The following WDR27 variants were observed in gnomAD, a reference collection of about 807,000 sequenced individuals.
WDR27 encodes WD repeat-containing protein 27.
Under a neutral mutation model 114.4 loss-of-function variants are expected in WDR27, and 100 were observed. That is an observed-to-expected ratio of 0.87 (90% confidence interval 0.74 to 1.03). The LOEUF (loss-of-function observed/expected upper bound fraction) is 1.03, where lower values mean the gene tolerates loss of function less well. Among genes scored for constraint, WDR27 ranks in the 50% least tolerant of loss-of-function variants. WDR27 has a pLI of 0.00. For synonymous variants in WDR27, 449 were observed against 423.1 expected, an observed-to-expected ratio of 1.06 and a Z score of -0.75; for missense variants, 1,129 against 1,092.9, an observed-to-expected ratio of 1.03 and a Z score of -0.47.
intron 1 of WDR27, among the ~76,000 whole-genome samples, chr6:169,692,797 G>A (rs536483975): frequency 1.3e-5 from 2 of 152,232 alleles, no homozygotes; most frequent in East Asian, 3.9e-4. Context: ...GGGAGACTCT[G>A]AGCCCAGATC....
At chr6:169,610,968 C>A (rs943597972) in intron 22 of WDR27, among the ~76,000 whole-genome samples, 4 of 152,050 alleles carry the variant, frequency 2.6e-5, no homozygotes, top group African/African-American at 9.7e-5. Context: ...GTGGCAGGTG[C>A]ACTAAAACCT....
chr6:169,641,933 G>A (rs777661819), intron 17 of WDR27, among the ~76,000 whole-genome samples: 2 of 152,226 alleles, frequency 1.3e-5, no homozygotes, highest in African/African-American at 4.8e-5. Context: ...CATGCTCGGC[G>A]GAAGGCCTGG....
chr6:169,643,623 T>C, intron 17 of WDR27, 74 bp downstream of exon 17: 1 of 1,288,746 alleles, frequency 7.8e-7, no homozygotes, highest in South Asian at 1.3e-5. Context: ...AAGTGTCCTT[T>C]AGCAACTGAT....
chr6:169,518,115 C>T (rs555548774), intron 25 of WDR27, among the ~76,000 whole-genome samples: 125 of 152,330 alleles, frequency 8.2e-4, no homozygotes, highest in African/African-American at 2.9e-3. Flanking sequence ...AGGCTTCAGA[C>T]CCAATGGCTG....
chr6:169,674,125 ATCAAATCAGCTATACTT>A (rs1250287464), intron 2 of WDR27, among the ~76,000 whole-genome samples: 1 of 152,240 alleles, frequency 6.6e-6, no homozygotes, highest in African/African-American at 2.4e-5. Flanking sequence ...AATCCAGAGT[ATCAAATCAGCTATACTT>A]TTTTTTCATA....
chr6:169,434,800 G>C, the WDR27 span, among the ~76,000 whole-genome samples: 1 of 152,108 alleles, frequency 6.6e-6, no homozygotes, highest in Non-Finnish European at 1.5e-5. Flanking sequence ...TGATGCAATA[G>C]GAAAAAAAGA....
intron 25 of WDR27, among the ~76,000 whole-genome samples, chr6:169,472,631 T>C (rs1440972202): frequency 1.3e-5 from 2 of 152,108 alleles, no homozygotes; most frequent in African/African-American, 4.8e-5. Flanking sequence ...TAGATATAGA[T>C]AAGAAAGAAA....
At chr6:169,582,531 C>T (rs1262145076) in intron 24 of WDR27, among the ~76,000 whole-genome samples, 2 of 152,008 alleles carry the variant, frequency 1.3e-5, no homozygotes, top group East Asian at 1.9e-4. Context: ...TACATGTAAC[C>T]GTATTTGTCC....
intron 25 of WDR27, among the ~76,000 whole-genome samples, chr6:169,567,222 G>A (rs565835771): frequency 1.6e-4 from 24 of 152,308 alleles, no homozygotes; most frequent in Admixed American, 1.2e-3. Context: ...GGTCAGTCAC[G>A]CACACTTTGG....
In WDR27 at chr6:169,630,300, C is replaced by A. The variant is rs374070052; in HGVS notation, c.2223+2647G>T. On this transcript the variant is annotated intron_variant, in intron 21 of 25. Transcript: ENST00000448612. ...ACCATTTTTTTCTCTAGATTTACAT[C>A]TACTTTCTTATACAAAGAATCGAAT... Among the ~76,000 whole-genome samples, 15 of 152,196 alleles carry A rather than the reference C, an allele frequency of 9.9e-5. No individual in the cohort carries two copies. The East Asian group carries it at 1.2e-3, about 12-fold the overall frequency.
chr6:169,646,948 G>A (rs1217612137), intron 16 of WDR27, among the ~76,000 whole-genome samples: 2 of 152,116 alleles, frequency 1.3e-5, no homozygotes, highest in Non-Finnish European at 2.9e-5. Flanking sequence ...GGAATTTAGC[G>A]GAGTGGTACA....
chr6:169,544,689 C>G (rs1797239702), intron 25 of WDR27, among the ~76,000 whole-genome samples: 1 of 152,192 alleles, frequency 6.6e-6, no homozygotes. Flanking sequence ...CCTGCTTTGG[C>G]CTCCCAAAGT....
chr6:169,685,746 T>C (rs1782757358), intron 2 of WDR27, among the ~76,000 whole-genome samples: 1 of 152,208 alleles, frequency 6.6e-6, no homozygotes. Context: ...ATATGGGCAT[T>C]CTAGCAGAAG....
chr6:169,465,887 T>G (rs990210283), intron 25 of WDR27, among the ~76,000 whole-genome samples: 1 of 152,218 alleles, frequency 6.6e-6, no homozygotes, highest in Non-Finnish European at 1.5e-5. Context: ...GGGGAATTAT[T>G]ACTTAATGGG....
At chr6:169,430,117 C>T in the WDR27 span, among the ~76,000 whole-genome samples, 62 of 152,270 alleles carry the variant, frequency 4.1e-4, no homozygotes, top group African/African-American at 1.4e-3. Context: ...AGAAGTTGGC[C>T]CTAAGAGTGG....
chr6:169,612,440 C>G (rs1027207499), intron 22 of WDR27, among the ~76,000 whole-genome samples: 4 of 139,762 alleles, frequency 2.9e-5, no homozygotes, highest in Admixed American at 2.8e-4. Flanking sequence ...AACAAACAAA[C>G]GAACAAACAA....
chr6:169,447,559 G>A, the WDR27 span, among the ~76,000 whole-genome samples: 8 of 152,200 alleles, frequency 5.3e-5, no homozygotes, highest in East Asian at 1.4e-3. Flanking sequence ...TTTTACATAA[G>A]GAGACTCTGT....
Position 169,651,984 on chromosome 6 carries a change from T to C in WDR27, c.1427A>G (p.Gln476Arg), listed in dbSNP as rs376495111. The change falls in exon 14 of 26, where the codon CAA becomes CGA. Residue 476 changes from glutamine (Q) to arginine (R), a missense_variant. By Grantham distance (43) the Gln-to-Arg change is conservative (BLOSUM62 1). Coordinates refer to ENST00000448612, the MANE Select transcript of WDR27 (RefSeq NM_182552.5). Reference sequence around the variant, plus strand: ...AACTTTACTATGGAAAACCAGGCGTTGGTCCTTCATGACGTTCCGTGCAGC... The same window carrying C: ...AACTTTACTATGGAAAACCAGGCGTCGGTCCTTCATGACGTTCCGTGCAGC... ...RRAARNVMKDQRLVFHSKVRS... is the reference protein window; with the variant it reads ...RRAARNVMKDRRLVFHSKVRS... The C allele has an allele frequency of 2.2e-5, 36 of 1,613,798 alleles. No individual in the cohort carries two copies. In the African/African-American group the frequency reaches 4.5e-4, roughly 20 times the overall value.
chr6:169,457,520 C>A lies in WDR27; in HGVS notation c.*72G>T. On this transcript the variant is annotated 3_prime_UTR_variant, in exon 26 of 26. Transcript: ENST00000448612. ...TGCTTCTGGCCCCCTGATGGATGAA[C>A]CACTACTTCTTACTTTTAAGTTGTT... The A allele has an allele frequency of 7.4e-7, 1 of 1,355,330 alleles. No homozygotes were observed. The highest frequency in any genetic ancestry group is 2.6e-5 in the East Asian group (1 of 38,586). 84.0% of individuals were successfully genotyped at this position (1,355,330 alleles called of 1,614,324 possible). A position where few individuals can be genotyped will look rare whatever the true frequency, so the allele number is the denominator to read the frequency against.
Sources: gnomAD v4.1 joint callset for allele counts (sites outside exome capture counted in the v4.1 genomes callset) on GRCh38, gnomAD v4.1.1 for gene constraint, MANE v1.5 for transcripts, NCBI Gene and HGNC (gene_info 2026-07-23, HGNC 2026-07-21) for gene names.